GDE1: variants seen among roughly 807,000 people sequenced by gnomAD.
The protein encoded by GDE1 is RGS16-interacting membrane protein.
GDE1 carries 24 observed loss-of-function variants against 32.2 expected under a neutral mutation model. The ratio of observed to expected loss-of-function variants is 0.75; its 90% CI spans 0.54 to 1.05. The LOEUF (loss-of-function observed/expected upper bound fraction) is 1.05. GDE1 is among the 50% of genes least tolerant of loss of function. The pLI is 0.00. For synonymous variants in GDE1, 159 were observed against 158.6 expected, an observed-to-expected ratio of 1.00 and a Z score of -0.02; for missense variants, 380 against 415.0, an observed-to-expected ratio of 0.92 and a Z score of 0.73.
intron 5 of GDE1, chr16:19,503,950 ATTAATT>A (rs1481814832): frequency 1.9e-5 from 4 of 209,718 alleles, no homozygotes; most frequent in Non-Finnish European, 2.8e-5. Flanking sequence ...TTCTGTGCTG[ATTAATT>A]TTAAATTAAT....
intron 4 of GDE1, among the ~76,000 whole-genome samples, chr16:19,505,693 G>A (rs1260381231): frequency 3.3e-5 from 5 of 152,148 alleles, no homozygotes; most frequent in Non-Finnish European, 2.9e-5. Flanking sequence ...GGACTCTGTG[G>A]TCAAGGAAGT....
intron 2 of GDE1, among the ~76,000 whole-genome samples, chr16:19,512,725 A>AT (rs2151447568): frequency 6.6e-6 from 1 of 152,094 alleles, no homozygotes; most frequent in South Asian, 2.1e-4. Flanking sequence ...TTTTGTGTTG[A>AT]TTTTTTAAAT....
Position 19,503,263 on chromosome 16 carries a change from G to T in GDE1, c.*207C>A. On this transcript the variant is annotated 3_prime_UTR_variant, in exon 6 of 6. Transcript: ENST00000353258. ...CGTTTTTTCAGACCCAGATTTTCAA[G>T]AGCAACAGTGTTGAACTCTGGCATG... The T allele has an allele frequency of 1.8e-6, 1 of 547,790 alleles. No homozygotes were observed. Among genetic ancestry groups the T allele is most frequent in the Non-Finnish European group, 3.2e-6 (1 of 308,424 alleles). The allele number at this position is 547,790 out of a possible 1,614,324, so 33.9% of individuals were successfully genotyped here. A position where few individuals can be genotyped will look rare whatever the true frequency, so the allele number is the denominator to read the frequency against.
At chr16:19,512,772 A>T (rs988457562) in intron 2 of GDE1, among the ~76,000 whole-genome samples, 2 of 152,150 alleles carry the variant, frequency 1.3e-5, no homozygotes, top group African/African-American at 4.8e-5. Flanking sequence ...ATTATCCTGC[A>T]TATGGATATC....
rs931076146 is a variant in GDE1 at position 19,522,056 on chromosome 16, C to T, written c.-92G>A. ...AAGCGAGGGGGAGGGTCCAAGGCAC[C>T]GGCAGCAGCAGGAACCCTCTGAGGG... is the stretch of plus-strand genomic sequence containing the variant. On this transcript the variant is annotated 5_prime_UTR_variant, in exon 1 of 6. Coordinates refer to ENST00000353258, the MANE Select transcript of GDE1 (RefSeq NM_016641.4). 2.2e-6 allele frequency: 3 copies of T among 1,345,212 alleles called. No individual in the cohort carries two copies. The highest frequency in any genetic ancestry group is 2.9e-5 in the African/African-American group (2 of 68,208). 83.3% of individuals were successfully genotyped at this position (1,345,212 alleles called of 1,614,324 possible).
At chr16:19,518,649 C>T (rs1331949134) in intron 1 of GDE1, among the ~76,000 whole-genome samples, 3 of 152,160 alleles carry the variant, frequency 2.0e-5, no homozygotes, top group Non-Finnish European at 2.9e-5. Context: ...ATTCTCATGT[C>T]ACTCCCTTAC....
chr16:19,510,908 C>G lies in GDE1; in HGVS notation c.474G>C (p.Arg158Ser), dbSNP rs746834526. ...GGTTTAGGCACTCTGCAACAGCTTCCCTTAGGGTAGGGATCTTTTCATCAG... is the reference window on the plus strand; with the variant it reads ...GGTTTAGGCACTCTGCAACAGCTTCGCTTAGGGTAGGGATCTTTTCATCAG... Reference protein sequence around the residue: ...DFPDEKIPTLREAVAECLNHN... With the variant: ...DFPDEKIPTLSEAVAECLNHN... Residue 158 changes from arginine to serine, a missense_variant, in exon 3 of 6, where the codon AGG becomes AGC. By Grantham distance (110) the Arg-to-Ser change is moderately radical. Coordinates refer to ENST00000353258, the MANE Select transcript of GDE1 (RefSeq NM_016641.4). The G allele has an allele frequency of 6.2e-7, 1 of 1,600,840 alleles. No homozygotes were observed. Among genetic ancestry groups the G allele is most frequent in the Non-Finnish European group, 8.5e-7 (1 of 1,170,574 alleles).
intron 2 of GDE1, 85 bp from the exon 3 acceptor site, chr16:19,511,029 A>G: frequency 3.1e-6 from 2 of 651,368 alleles, no homozygotes; most frequent in South Asian, 4.1e-5. Flanking sequence ...ATGTCTCTCA[A>G]TCAAAAGGAA....
chr16:19,507,944 A>G (rs1170810101), intron 3 of GDE1, among the ~76,000 whole-genome samples, 165 bp from the exon 4 acceptor site: 2 of 152,220 alleles, frequency 1.3e-5, no homozygotes, highest in Non-Finnish European at 2.9e-5. Context: ...ACTGGGATGC[A>G]TTTTAAACTC....
rs116056794 is a variant in GDE1 at position 19,515,289 on chromosome 16, G to A, written c.437+1725C>T. On this transcript the variant is annotated intron_variant, in intron 2 of 5. Transcript: ENST00000353258. ...TCTATTTTTTCCCACAACATAATCC[G>A]TAAACACAAGCCAATTACTTCATTT... Among the ~76,000 whole-genome samples, 760 of 152,094 alleles carry A rather than the reference G, an allele frequency of 5.0e-3. 6 individuals are homozygous for A. The highest frequency in any genetic ancestry group is 0.017 in the African/African-American group (690 of 41,476).
At chr16:19,521,479 C>A (rs1461538553) in intron 1 of GDE1, 1 of 572,200 alleles carries the variant, frequency 1.7e-6, no homozygotes, top group African/African-American at 1.9e-5. Flanking sequence ...GTAACCTTAG[C>A]GTCAGGCGCA....
Position 19,503,542 on chromosome 16 carries a change from ACT to A in GDE1, c.922_923del (p.Ser308LeufsTer13). On this transcript the variant is annotated frameshift_variant, in exon 6 of 6. Coordinates refer to ENST00000353258, the MANE Select transcript of GDE1 (RefSeq NM_016641.4). LOFTEE classifies it high-confidence loss of function. The stretch of plus-strand genomic sequence containing the variant: ...TGGAACCAAGATGGGATTCGTAGTA[ACT>A]CTTTTCATCAAAGGTATTAACAGTC... ...GWTVNTFDEK[S>X]YYESHLGSSY... The A allele has an allele frequency of 6.2e-7, 1 of 1,613,238 alleles. No homozygotes were observed. Among genetic ancestry groups the A allele is most frequent in the Non-Finnish European group, 8.5e-7 (1 of 1,179,292 alleles).
chr16:19,505,220 A>G, intron 4 of GDE1, 128 bp from the exon 5 acceptor site: 1 of 669,030 alleles, frequency 1.5e-6, no homozygotes, highest in South Asian at 1.8e-5. Context: ...GGTATCTACT[A>G]AATAAGTTCT....
At chr16:19,513,203 G>A (rs1437944009) in intron 2 of GDE1, among the ~76,000 whole-genome samples, 3 of 152,032 alleles carry the variant, frequency 2.0e-5, no homozygotes, top group African/African-American at 7.2e-5. Flanking sequence ...TGAGTAGAAT[G>A]GTCACTTTAG....
At chr16:19,519,471 TATAC>T (rs1162727302) in intron 1 of GDE1, among the ~76,000 whole-genome samples, 1 of 134,278 alleles carries the variant, frequency 7.4e-6, no homozygotes, top group East Asian at 2.1e-4. Context: ...TATATATATA[TATAC>T]ATACACAATA....
At chr16:19,505,122 T>G in intron 4 of GDE1, 30 bp from the exon 5 acceptor site, 2 of 1,399,654 alleles carry the variant, frequency 1.4e-6, no homozygotes, top group Non-Finnish European at 2.0e-6. Context: ...AGTAAAATAA[T>G]GATCATATGT....
At chr16:19,513,722 G>A (rs1174574004) in intron 2 of GDE1, among the ~76,000 whole-genome samples, 2 of 152,172 alleles carry the variant, frequency 1.3e-5, no homozygotes, top group Non-Finnish European at 2.9e-5. Context: ...TGCTGTACTT[G>A]GAACTGATAA....
At chr16:19,511,026 T>C in intron 2 of GDE1, 82 bp from the exon 3 acceptor site, 1 of 662,780 alleles carries the variant, frequency 1.5e-6, no homozygotes, top group Non-Finnish European at 2.7e-6. Context: ...CATATGTCTC[T>C]CAATCAAAAG....
At chr16:19,512,951 G>GTGTGTC (rs896613340) in intron 2 of GDE1, among the ~76,000 whole-genome samples, 2 of 151,350 alleles carry the variant, frequency 1.3e-5, no homozygotes, top group African/African-American at 4.8e-5. Context: ...GTGTGTGTGT[G>GTGTGTC]TGTGTGTGTG....
Sources: gnomAD v4.1 joint callset for allele counts (sites outside exome capture counted in the v4.1 genomes callset) on GRCh38, gnomAD v4.1.1 for gene constraint, MANE v1.5 for transcripts, NCBI Gene and HGNC (gene_info 2026-07-23, HGNC 2026-07-21) for gene names.